DLGAP2: variants seen among roughly 807,000 people sequenced by gnomAD.
DLGAP2 encodes the protein DLG associated protein 2.
DLGAP2 carries 26 observed loss-of-function variants against 100.3 expected under a neutral mutation model. That is an observed-to-expected ratio of 0.26 (90% CI 0.19 to 0.36). DLGAP2 has a LOEUF of 0.36. DLGAP2 is among the 10% of genes least tolerant of loss of function. DLGAP2 has a pLI of 1.00. For synonymous variants in DLGAP2, 886 were observed against 630.1 expected (o/e 1.41, Z -6.08); for missense variants, 1,858 against 1,453.2 (o/e 1.28, Z -4.53).
intron 2 of DLGAP2, among the ~76,000 whole-genome samples, chr8:1,140,876 G>A (rs1317225366): frequency 6.6e-6 from 1 of 152,206 alleles, no homozygotes; most frequent in East Asian, 1.9e-4. Context: ...AGAGGCCAAG[G>A]CAGGAGAATC....
At chr8:1,509,257 G>A (rs1317894913) in intron 4 of DLGAP2, among the ~76,000 whole-genome samples, 1 of 151,640 alleles carries the variant, frequency 6.6e-6, no homozygotes, top group African/African-American at 2.4e-5. Flanking sequence ...CTTGAACCCC[G>A]GAGGCAGAGA....
intron 2 of DLGAP2, among the ~76,000 whole-genome samples, chr8:1,062,920 C>G (rs567467939): frequency 3.3e-5 from 5 of 152,338 alleles, no homozygotes; most frequent in African/African-American, 9.6e-5. Context: ...AACGCAGGAG[C>G]TGTTCCAGCT....
intron 2 of DLGAP2, among the ~76,000 whole-genome samples, chr8:1,150,178 C>T (rs1796673481): frequency 6.6e-6 from 1 of 152,186 alleles, no homozygotes. Context: ...AGAAAATTCT[C>T]TCAATTTTTG....
intron 8 of DLGAP2, among the ~76,000 whole-genome samples, chr8:1,657,680 G>A (rs1798314919): frequency 6.6e-6 from 1 of 152,210 alleles, no homozygotes; most frequent in Non-Finnish European, 1.5e-5. Flanking sequence ...AATGGATGCA[G>A]TGATATACTT....
chr8:1,351,528 G>T (rs1801724511), intron 3 of DLGAP2, among the ~76,000 whole-genome samples: 1 of 68,012 alleles, frequency 1.5e-5, no homozygotes, highest in African/African-American at 4.3e-5. Flanking sequence ...GTGTGGAAAG[G>T]CCGTGTGGGT....
chr8:1,552,202 G>C (rs780014950), intron 5 of DLGAP2, among the ~76,000 whole-genome samples: 1 of 152,188 alleles, frequency 6.6e-6, no homozygotes, highest in Non-Finnish European at 1.5e-5. Flanking sequence ...GAGCGTTATC[G>C]TGCCGACATT....
intron 2 of DLGAP2, among the ~76,000 whole-genome samples, chr8:1,069,398 C>T (rs1803360044): frequency 6.6e-6 from 1 of 152,120 alleles, no homozygotes; most frequent in African/African-American, 2.4e-5. Context: ...TCTCCCATGC[C>T]CTGGGTCCTC....
intron 3 of DLGAP2, among the ~76,000 whole-genome samples, chr8:1,439,801 C>T (rs1413254748): frequency 6.6e-6 from 1 of 152,158 alleles, no homozygotes; most frequent in African/African-American, 2.4e-5. Flanking sequence ...CGTGTGCACA[C>T]AGGGCCTGGC....
intron 2 of DLGAP2, among the ~76,000 whole-genome samples, chr8:1,257,181 C>A (rs370749819): frequency 7.9e-5 from 12 of 152,114 alleles, no homozygotes; most frequent in African/African-American, 2.7e-4. Context: ...GATTCATGCT[C>A]TTTCCTTTCC....
At chr8:782,594 A>T (rs1821724289) in intron 1 of DLGAP2, among the ~76,000 whole-genome samples, 1 of 152,226 alleles carries the variant, frequency 6.6e-6, no homozygotes, top group South Asian at 2.1e-4. Flanking sequence ...GGGTTAAATT[A>T]TTGCTATGGC....
rs537125380 is a variant in DLGAP2 at position 1,704,307 on chromosome 8, C to T, written c.*2901C>T. ...GAGAGTGTGATGTTCACTATAACCC[C>T]ATACCTACATTCCCTAATGATACAG... On this transcript the variant is annotated 3_prime_UTR_variant, in exon 15 of 15. Coordinates refer to ENST00000637795, the MANE Select transcript of DLGAP2 (RefSeq NM_001346810.2). 55 of 152,314 alleles carry T rather than the reference C, an allele frequency of 3.6e-4. No individual in the cohort carries two copies. Among genetic ancestry groups the T allele is most frequent in the African/African-American group, 1.2e-3 (51 of 41,568 alleles). 9.4% of individuals were successfully genotyped at this position (152,314 alleles called of 1,614,324 possible).
chr8:1,621,266 G>A (rs1797327100), intron 6 of DLGAP2: 1 of 152,576 alleles, frequency 6.6e-6, no homozygotes, highest in Non-Finnish European at 1.5e-5. Context: ...GAGAGCCGGA[G>A]GTGGTTGGTC....
chr8:1,213,429 A>G (rs1440018952), intron 2 of DLGAP2, among the ~76,000 whole-genome samples: 1 of 152,172 alleles, frequency 6.6e-6, no homozygotes, highest in Non-Finnish European at 1.5e-5. Context: ...TGATTTCCTA[A>G]TATTACATCA....
intron 12 of DLGAP2, among the ~76,000 whole-genome samples, chr8:1,686,267 A>C (rs545995858): frequency 6.6e-6 from 1 of 152,362 alleles, no homozygotes; most frequent in East Asian, 1.9e-4. Flanking sequence ...GCCATAAAAA[A>C]AGGAATTAAG....
chr8:1,552,889 C>G (rs975290553), intron 5 of DLGAP2, among the ~76,000 whole-genome samples: 8 of 152,172 alleles, frequency 5.3e-5, no homozygotes, highest in Non-Finnish European at 1.5e-5. Context: ...CAATTCAGGC[C>G]TCACGTTATT....
intron 1 of DLGAP2, among the ~76,000 whole-genome samples, chr8:881,434 C>T (rs905992367): frequency 6.6e-6 from 1 of 151,438 alleles, no homozygotes; most frequent in Non-Finnish European, 1.5e-5. Flanking sequence ...CTTGAATGCA[C>T]CAATAGAAAT....
At chr8:1,470,682 C>G (rs1199921334) in intron 3 of DLGAP2, among the ~76,000 whole-genome samples, 1 of 152,094 alleles carries the variant, frequency 6.6e-6, no homozygotes, top group East Asian at 1.9e-4. Context: ...TTTTAAGATC[C>G]TGTAGCTCCA....
chr8:1,413,550 A>G (rs1796792821), intron 3 of DLGAP2, among the ~76,000 whole-genome samples: 1 of 152,252 alleles, frequency 6.6e-6, no homozygotes, highest in African/African-American at 2.4e-5. Context: ...AAATGAAAAA[A>G]TGTTTTGTCA....
intron 1 of DLGAP2, among the ~76,000 whole-genome samples, chr8:771,199 G>T (rs1414398666): frequency 6.6e-6 from 1 of 152,152 alleles, no homozygotes; most frequent in Non-Finnish European, 1.5e-5. Context: ...CATGCATATT[G>T]CTACTTTCTG....
Sources: gnomAD v4.1 joint callset for allele counts (sites outside exome capture counted in the v4.1 genomes callset) on GRCh38, gnomAD v4.1.1 for gene constraint, MANE v1.5 for transcripts, NCBI Gene and HGNC (gene_info 2026-07-23, HGNC 2026-07-21) for gene names.